Variants in MAF observed in about 807,000 individuals in gnomAD.
The protein encoded by MAF is MAF bZIP transcription factor.
MAF carries 10 observed loss-of-function variants against 22.0 expected under a neutral mutation model. That is an observed-to-expected ratio of 0.45 (90% confidence interval 0.28 to 0.77). The LOEUF (loss-of-function observed/expected upper bound fraction) is 0.77, where lower values mean the gene tolerates loss of function less well. MAF is among the 30% of genes least tolerant of loss of function. The probability of loss-of-function intolerance (pLI) is 0.12; values close to 1 mark genes in which losing one functional copy is unlikely to be tolerated. For missense variants in MAF, 544 were observed against 548.4 expected (o/e 0.99, Z 0.08); for synonymous variants, 337 against 255.8 (o/e 1.32, Z -3.03).
the MAF span, among the ~76,000 whole-genome samples, chr16:79,264,771 A>T: frequency 6.6e-6 from 1 of 152,128 alleles, no homozygotes; most frequent in African/African-American, 2.4e-5. Flanking sequence ...TCAGCAGCCC[A>T]CCTCACCCCA....
the MAF span, among the ~76,000 whole-genome samples, chr16:79,323,683 C>G: frequency 1.2e-4 from 19 of 152,198 alleles, no homozygotes; most frequent in Admixed American, 1.2e-3. Flanking sequence ...GAAGAGACCT[C>G]TCCACAGTCT....
chr16:79,448,607 A>G, the MAF span, among the ~76,000 whole-genome samples: 1 of 151,944 alleles, frequency 6.6e-6, no homozygotes, highest in African/African-American at 2.4e-5. Flanking sequence ...TTGTATTTTT[A>G]GTAGAGACAG....
the MAF span, among the ~76,000 whole-genome samples, chr16:79,476,751 G>C: frequency 6.6e-6 from 1 of 152,212 alleles, no homozygotes; most frequent in Admixed American, 6.5e-5. Context: ...CAGTGAGTGA[G>C]TAGACTTGGA....
chr16:79,212,572 C>G, the MAF span: 2,858 of 164,060 alleles, frequency 0.017, 95 homozygotes, highest in African/African-American at 0.065. Context: ...CTTTGTCTGT[C>G]AATCACAGTC....
the MAF span, among the ~76,000 whole-genome samples, chr16:79,471,663 C>T: frequency 4.6e-3 from 694 of 152,184 alleles, 20 homozygotes; most frequent in Admixed American, 0.034. Context: ...GGCATCACGG[C>T]AAGGCACTGT....
the MAF span, among the ~76,000 whole-genome samples, chr16:79,419,480 G>A: frequency 1.3e-5 from 2 of 152,310 alleles, no homozygotes; most frequent in Admixed American, 6.5e-5. Context: ...TTTCCATGCC[G>A]ATGGCAAGGC....
chr16:79,379,722 G>C, the MAF span, among the ~76,000 whole-genome samples: 2 of 152,164 alleles, frequency 1.3e-5, no homozygotes, highest in Non-Finnish European at 2.9e-5. Flanking sequence ...TTTGAGGAGA[G>C]GGAGGGTGAT....
chr16:79,339,173 C>T, the MAF span, among the ~76,000 whole-genome samples: 1 of 152,100 alleles, frequency 6.6e-6, no homozygotes, highest in Non-Finnish European at 1.5e-5. Flanking sequence ...GGGTTCACGC[C>T]ATTCTCCTGC....
chr16:79,511,343 T>C, the MAF span, among the ~76,000 whole-genome samples: 1 of 152,122 alleles, frequency 6.6e-6, no homozygotes, highest in Non-Finnish European at 1.5e-5. Context: ...TTTGTGTGTA[T>C]GTGATTTAAG....
At chr16:79,246,554 G>T in the MAF span, among the ~76,000 whole-genome samples, 1 of 119,540 alleles carries the variant, frequency 8.4e-6, no homozygotes, top group Non-Finnish European at 1.8e-5. Context: ...GGGGGTGTGG[G>T]GGTGTATTTA....
the MAF span, among the ~76,000 whole-genome samples, chr16:79,362,304 A>G: frequency 6.6e-6 from 1 of 152,164 alleles, no homozygotes; most frequent in Non-Finnish European, 1.5e-5. Flanking sequence ...TCTGATGACT[A>G]TGCTTTTTCA....
the MAF span, among the ~76,000 whole-genome samples, chr16:79,478,553 T>C: frequency 6.6e-6 from 1 of 152,268 alleles, no homozygotes; most frequent in Non-Finnish European, 1.5e-5. Context: ...CTATTTTGAC[T>C]CTTTATTTAT....
chr16:79,225,284 G>A, the MAF span, among the ~76,000 whole-genome samples: 7 of 152,254 alleles, frequency 4.6e-5, no homozygotes, highest in South Asian at 8.3e-4. Flanking sequence ...TTTGATAAAT[G>A]GTGTTGAGAA....
the MAF span, among the ~76,000 whole-genome samples, chr16:79,256,692 C>A: frequency 7.9e-5 from 12 of 152,164 alleles, no homozygotes; most frequent in Non-Finnish European, 1.8e-4. Flanking sequence ...CCAGACACTG[C>A]CTTCCATGTC....
the MAF span, chr16:79,205,351 A>G: frequency 6.6e-6 from 1 of 152,242 alleles, no homozygotes; most frequent in African/African-American, 2.4e-5. Context: ...TGGGAGAGGC[A>G]ACTGAAAAGG....
chr16:79,366,929 A>G, the MAF span, among the ~76,000 whole-genome samples: 1 of 152,244 alleles, frequency 6.6e-6, no homozygotes, highest in African/African-American at 2.4e-5. Context: ...GAAAGTGTGT[A>G]TCTCAGGGCT....
At chr16:79,419,152 G>C in the MAF span, among the ~76,000 whole-genome samples, 11 of 152,322 alleles carry the variant, frequency 7.2e-5, no homozygotes, top group East Asian at 2.1e-3. Context: ...GGGTGAAGGT[G>C]TGCTGGCCAG....
chr16:79,400,102 T>C, the MAF span, among the ~76,000 whole-genome samples: 2 of 152,152 alleles, frequency 1.3e-5, no homozygotes, highest in Non-Finnish European at 2.9e-5. Context: ...TTTTGGTTGC[T>C]CCAGGACAGG....
the MAF span, among the ~76,000 whole-genome samples, chr16:79,497,782 G>A: frequency 2.0e-4 from 30 of 152,236 alleles, no homozygotes; most frequent in Non-Finnish European, 3.8e-4. Flanking sequence ...AAGGAGAAAA[G>A]AGGAAGCCTC....
Sources: gnomAD v4.1 joint callset for allele counts (sites outside exome capture counted in the v4.1 genomes callset) on GRCh38, gnomAD v4.1.1 for gene constraint, MANE v1.5 for transcripts, NCBI Gene and HGNC (gene_info 2026-07-23, HGNC 2026-07-21) for gene names.